The following FBXW10B variants were observed in gnomAD, a reference collection of about 807,000 sequenced individuals.
FBXW10B encodes the protein F-box and WD repeat domain containing 10B.
the FBXW10B span, among the ~76,000 whole-genome samples, chr17:15,576,211 T>C: frequency 1.1e-4 from 17 of 152,190 alleles, no homozygotes; most frequent in Admixed American, 7.9e-4. Flanking sequence ...TTTTTGCTGG[T>C]CTATCCTAAT....
chr17:15,616,284 C>T, the FBXW10B span, among the ~76,000 whole-genome samples: 1 of 151,928 alleles, frequency 6.6e-6, no homozygotes, highest in African/African-American at 2.4e-5. Context: ...AAGTGATTCT[C>T]CTGCCTCAGC....
chr17:15,571,097 G>A, the FBXW10B span, among the ~76,000 whole-genome samples: 4 of 152,230 alleles, frequency 2.6e-5, no homozygotes, highest in African/African-American at 9.6e-5. Flanking sequence ...TGTAATCCTA[G>A]CCCTTTAGGA....
chr17:15,618,910 T>C, the FBXW10B span: 517 of 1,545,152 alleles, frequency 3.3e-4, 5 homozygotes, highest in Admixed American at 0.01. Flanking sequence ...AATCTCTGTC[T>C]ACCTATGTTG....
chr17:15,571,547 C>T, the FBXW10B span: 1 of 152,122 alleles, frequency 6.6e-6, no homozygotes, highest in Non-Finnish European at 1.5e-5. Flanking sequence ...GTGTAGAATA[C>T]CTGAAGCTCT....
At chr17:15,593,393 C>T in the FBXW10B span, 2 of 1,614,196 alleles carry the variant, frequency 1.2e-6, no homozygotes, top group Non-Finnish European at 1.7e-6. Context: ...TGGCTTTTAT[C>T]ACCTTCATAC....
At chr17:15,584,450 T>C in the FBXW10B span, among the ~76,000 whole-genome samples, 3 of 152,242 alleles carry the variant, frequency 2.0e-5, no homozygotes, top group East Asian at 1.9e-4. Flanking sequence ...GAATAACTCA[T>C]GAAGAATTTC....
chr17:15,581,373 C>G, the FBXW10B span, among the ~76,000 whole-genome samples: 1 of 152,168 alleles, frequency 6.6e-6, no homozygotes, highest in Non-Finnish European at 1.5e-5. Flanking sequence ...ATACTCATGG[C>G]CCAGAATCAA....
chr17:15,610,373 C>T, the FBXW10B span, among the ~76,000 whole-genome samples: 1 of 152,032 alleles, frequency 6.6e-6, no homozygotes, highest in Non-Finnish European at 1.5e-5. Context: ...CTTTGTTGTG[C>T]TTATCTGGGA....
chr17:15,567,141 A>G, the FBXW10B span, among the ~76,000 whole-genome samples: 4 of 151,722 alleles, frequency 2.6e-5, no homozygotes, highest in East Asian at 4.0e-4. Flanking sequence ...GCGTGGTGGC[A>G]GGCGCCTGTA....
At chr17:15,589,017 C>T in the FBXW10B span, 11 of 1,611,104 alleles carry the variant, frequency 6.8e-6, no homozygotes, top group East Asian at 1.1e-4. Flanking sequence ...ACACATGGGT[C>T]GGAGCTGTGG....
chr17:15,583,397 C>G, the FBXW10B span, among the ~76,000 whole-genome samples: 4 of 145,770 alleles, frequency 2.7e-5, no homozygotes, highest in Non-Finnish European at 6.0e-5. Flanking sequence ...TTAGGTGCCC[C>G]TGACTGCCCC....
the FBXW10B span, chr17:15,619,545 C>G: frequency 6.3e-7 from 1 of 1,597,692 alleles, no homozygotes; most frequent in South Asian, 1.1e-5. Context: ...TTTAGCCCTG[C>G]GCACTTGCAA....
chr17:15,605,042 A>G, the FBXW10B span, among the ~76,000 whole-genome samples: 1 of 152,416 alleles, frequency 6.6e-6, no homozygotes, highest in African/African-American at 2.4e-5. Context: ...TCAAATGTTA[A>G]GCAATATATA....
chr17:15,615,938 G>A, the FBXW10B span: 2 of 1,404,162 alleles, frequency 1.4e-6, no homozygotes, highest in Non-Finnish European at 1.9e-6. Context: ...GAGCAGTTAT[G>A]TCTGTTTTTA....
chr17:15,586,812 G>A, the FBXW10B span, among the ~76,000 whole-genome samples: 5 of 151,650 alleles, frequency 3.3e-5, no homozygotes, highest in African/African-American at 1.2e-4. Context: ...TTAATAGACA[G>A]TAGAGATAGA....
chr17:15,575,608 G>A, the FBXW10B span, among the ~76,000 whole-genome samples: 1,386 of 131,750 alleles, frequency 0.011, 123 homozygotes, highest in African/African-American at 0.036. Flanking sequence ...CCTTCCAACC[G>A]CTCTTCACTT....
chr17:15,597,880 T>A, the FBXW10B span, among the ~76,000 whole-genome samples: 6 of 152,206 alleles, frequency 3.9e-5, no homozygotes, highest in Admixed American at 1.3e-4. Context: ...TATTCCCCAC[T>A]ACACAGATGA....
chr17:15,612,706 T>C, the FBXW10B span: 1 of 1,614,054 alleles, frequency 6.2e-7, no homozygotes, highest in Non-Finnish European at 8.5e-7. Flanking sequence ...CCCACCTTCG[T>C]TCTCAACTTC....
At chr17:15,598,589 AAGTGATAGTCCCCT>A in the FBXW10B span, 1 of 1,613,594 alleles carries the variant, frequency 6.2e-7, no homozygotes, top group East Asian at 2.2e-5. Flanking sequence ...AAGTCCATGC[AAGTGATAGTCCCCT>A]GGTGACCACC....
Sources: allele counts gnomAD v4.1 joint callset (sites outside exome capture counted in the v4.1 genomes callset), GRCh38; gene constraint gnomAD v4.1.1; transcripts MANE v1.5; gene names NCBI Gene and HGNC (gene_info 2026-07-23, HGNC 2026-07-21).